The following ALX4 variants were observed in gnomAD, a reference collection of about 807,000 sequenced individuals.
ALX4 encodes the protein ALX homeobox 4.
Under a neutral mutation model 40.6 loss-of-function variants are expected in ALX4, and 22 were observed. The observed-to-expected ratio is 0.54, with a 90% CI of 0.39 to 0.77. ALX4 has a LOEUF of 0.77. Ranked by LOEUF, ALX4 falls within the 30% of genes least tolerant of loss-of-function variation. ALX4 has a pLI of 0.00. For synonymous variants in ALX4, 266 were observed against 240.5 expected (o/e 1.11, Z -0.98); for missense variants, 556 against 564.8 (o/e 0.98, Z 0.16).
Position 44,303,202 on chromosome 11 carries a change from C to T in ALX4, c.466+6395G>A, listed in dbSNP as rs76418194. ...TGGGTCACCAGGTCCTGTCCCTCTA[C>T]GAGGTGCGTGGGGCCAACATCCATG... is the stretch of plus-strand genomic sequence containing the variant. On this transcript the variant is annotated intron_variant, in intron 1 of 3. Coordinates refer to ENST00000652299, the MANE Select transcript of ALX4 (RefSeq NM_021926.4). Among the ~76,000 whole-genome samples, 9 of 152,302 alleles carry T rather than the reference C, an allele frequency of 5.9e-5. No homozygotes were observed. The East Asian group carries it at 1.7e-3, about 30-fold the overall frequency.
intron 1 of ALX4, among the ~76,000 whole-genome samples, chr11:44,279,752 G>A (rs1476558387): frequency 4.6e-5 from 7 of 152,102 alleles, no homozygotes; most frequent in Admixed American, 4.6e-4. Context: ...CCTCTCCACT[G>A]ACTGCCTATG....
intron 1 of ALX4, among the ~76,000 whole-genome samples, chr11:44,290,378 T>A (rs1295315206): frequency 6.6e-6 from 1 of 151,274 alleles, no homozygotes; most frequent in African/African-American, 2.5e-5. Flanking sequence ...CTACATTGAT[T>A]CATTCAACAG....
chr11:44,282,433 C>T (rs1158455903), intron 1 of ALX4, among the ~76,000 whole-genome samples: 1 of 152,196 alleles, frequency 6.6e-6, no homozygotes, highest in African/African-American at 2.4e-5. Flanking sequence ...TAAACTAACA[C>T]TGACCTCATG....
intron 1 of ALX4, among the ~76,000 whole-genome samples, chr11:44,289,828 C>T (rs1432531217): frequency 1.3e-5 from 2 of 152,216 alleles, no homozygotes; most frequent in South Asian, 2.1e-4. Context: ...AGAAGTTTCC[C>T]GGCTCCTCGT....
chr11:44,285,593 T>C (rs1956333706), intron 1 of ALX4, among the ~76,000 whole-genome samples: 1 of 152,126 alleles, frequency 6.6e-6, no homozygotes, highest in Admixed American at 6.5e-5. Context: ...GCTACCACGG[T>C]GTCCCCTCCC....
In ALX4 at chr11:44,260,642, A is replaced by G. The variant is rs1163482552; in HGVS notation, c.*4212T>C. On this transcript the variant is annotated 3_prime_UTR_variant, in exon 4 of 4. Transcript: ENST00000652299. ...CAATAACTTACTTTAAAAGGCAAGAACGTTTCTTTTAATATTTTGCTATAA... is the reference window on the plus strand; with the variant it reads ...CAATAACTTACTTTAAAAGGCAAGAGCGTTTCTTTTAATATTTTGCTATAA... 2 of 152,146 alleles carry G rather than the reference A, an allele frequency of 1.3e-5. No homozygotes were observed. The highest frequency in any genetic ancestry group is 4.8e-5 in the African/African-American group (2 of 41,416). 9.4% of individuals were successfully genotyped at this position (152,146 alleles called of 1,614,324 possible). A position where few individuals can be genotyped will look rare whatever the true frequency, so the allele number is the denominator to read the frequency against.
intron 1 of ALX4, among the ~76,000 whole-genome samples, chr11:44,301,994 C>G (rs927983366): frequency 4.6e-5 from 7 of 152,100 alleles, no homozygotes; most frequent in African/African-American, 1.7e-4. Context: ...TGGGCCCCAC[C>G]GGGGACTTGC....
At chr11:44,296,768 G>A (rs1353383518) in intron 1 of ALX4, among the ~76,000 whole-genome samples, 5 of 152,254 alleles carry the variant, frequency 3.3e-5, no homozygotes, top group Middle Eastern at 3.4e-3. Flanking sequence ...CAGCACTTTG[G>A]GAGGCTGAGG....
intron 1 of ALX4, among the ~76,000 whole-genome samples, chr11:44,308,842 G>C (rs920390457): frequency 3.3e-5 from 5 of 152,222 alleles, no homozygotes; most frequent in African/African-American, 1.2e-4. Context: ...CTAAACCATT[G>C]TTCAGAGGCC....
chr11:44,279,197 C>G (rs1380282375), intron 1 of ALX4, among the ~76,000 whole-genome samples: 1 of 152,186 alleles, frequency 6.6e-6, no homozygotes, highest in Non-Finnish European at 1.5e-5. Flanking sequence ...TCTTTAGACC[C>G]AGCCCATGTC....
chr11:44,294,691 C>T (rs949957152), intron 1 of ALX4, among the ~76,000 whole-genome samples: 3 of 152,276 alleles, frequency 2.0e-5, no homozygotes, highest in Non-Finnish European at 4.4e-5. Flanking sequence ...CTCTATGCAT[C>T]CCAGTCAACT....
chr11:44,292,110 C>T (rs1956373069), intron 1 of ALX4, among the ~76,000 whole-genome samples: 2 of 152,194 alleles, frequency 1.3e-5, no homozygotes, highest in South Asian at 4.1e-4. Flanking sequence ...AGCCACCTCG[C>T]CTGGCCCAAA....
At chr11:44,265,648 G>A (rs1289910530) in intron 3 of ALX4, among the ~76,000 whole-genome samples, 3 of 152,172 alleles carry the variant, frequency 2.0e-5, no homozygotes, top group African/African-American at 7.2e-5. Flanking sequence ...GCCCCCACCA[G>A]TAGCAGGGAA....
intron 1 of ALX4, among the ~76,000 whole-genome samples, chr11:44,304,283 C>T (rs1956453161): frequency 6.6e-6 from 1 of 152,370 alleles, no homozygotes; most frequent in East Asian, 1.9e-4. Flanking sequence ...CGTCCGGGTG[C>T]AGGACGGCGC....
At chr11:44,302,951 A>G (rs1280851933) in intron 1 of ALX4, among the ~76,000 whole-genome samples, 1 of 152,208 alleles carries the variant, frequency 6.6e-6, no homozygotes, top group Non-Finnish European at 1.5e-5. Flanking sequence ...CCTGCATTTC[A>G]TACAGCTAAA....
chr11:44,292,933 T>C (rs75022280), intron 1 of ALX4, among the ~76,000 whole-genome samples: 26 of 150,598 alleles, frequency 1.7e-4, no homozygotes, highest in African/African-American at 5.9e-4. Flanking sequence ...CCCATCTCTA[T>C]AAAAAAAATT....
rs748173197 is a variant in ALX4 at position 44,275,544 on chromosome 11, G to T, written c.581C>A (p.Ala194Asp). 3.7e-6 allele frequency: 6 copies of T among 1,614,180 alleles called. No individual in the cohort carries two copies. In the East Asian group the frequency reaches 1.3e-4, roughly 36 times the overall value. ...CAATGGGCTGGGGAGGTCTGAGCTG[G>T]CCCGGTCCTGGGGCCCCTTCACCCC... is the stretch of plus-strand genomic sequence containing the variant. Reference protein sequence around the residue: ...EAGVKGPQDRASSDLPSPLEK... With the variant: ...EAGVKGPQDRDSSDLPSPLEK... Residue 194 changes from alanine (A) to aspartate (D), a missense_variant, in exon 2 of 4, where the codon GCC becomes GAC. Physicochemically the swap from Ala to Asp is moderately radical, Grantham distance 126 (BLOSUM62 -2). Coordinates refer to ENST00000652299, the MANE Select transcript of ALX4 (RefSeq NM_021926.4).
chr11:44,308,851 C>A (rs951897698), intron 1 of ALX4, among the ~76,000 whole-genome samples: 2 of 152,262 alleles, frequency 1.3e-5, no homozygotes, highest in Non-Finnish European at 2.9e-5. Context: ...TGTTCAGAGG[C>A]CTGCCGCCTC....
chr11:44,282,220 A>T (rs920369572), intron 1 of ALX4, among the ~76,000 whole-genome samples: 5 of 152,246 alleles, frequency 3.3e-5, no homozygotes, highest in Non-Finnish European at 7.3e-5. Context: ...TCACCCAAGA[A>T]GATCTACAGG....
Sources: allele counts gnomAD v4.1 joint callset (sites outside exome capture counted in the v4.1 genomes callset), GRCh38; gene constraint gnomAD v4.1.1; transcripts MANE v1.5; gene names NCBI Gene and HGNC (gene_info 2026-07-23, HGNC 2026-07-21).